MALRD1: variants seen among roughly 807,000 people sequenced by gnomAD.
The protein encoded by MALRD1 is MAM and LDL-receptor class A domain-containing protein 1.
A neutral mutation model predicts 242.1 loss-of-function variants in MALRD1; 247 were observed. The ratio of observed to expected loss-of-function variants is 1.02; its 90% CI spans 0.92 to 1.13. MALRD1 has a LOEUF of 1.13. MALRD1 is among the 50% of genes most tolerant of loss of function. MALRD1 has a pLI of 0.00. For missense variants in MALRD1, 2,989 were observed against 2,533.1 expected (o/e 1.18, Z -3.86); for synonymous variants, 995 against 866.6 (o/e 1.15, Z -2.60).
At chr10:19,491,475 A>G in intron 29 of MALRD1, 42 bp from the exon 30 acceptor site, 5 of 1,541,016 alleles carry the variant, frequency 3.2e-6, no homozygotes, top group Non-Finnish European at 4.4e-6. Flanking sequence ...TCTAATGAAA[A>G]TATTGATGGA....
At chr10:19,361,848 C>A (rs1311816759) in intron 26 of MALRD1, among the ~76,000 whole-genome samples, 1 of 152,000 alleles carries the variant, frequency 6.6e-6, no homozygotes, top group Non-Finnish European at 1.5e-5. Context: ...CCTGACTAAC[C>A]CCAGTATTTC....
Position 19,243,955 on chromosome 10 carries a change from G to A in MALRD1, c.2992-13729G>A, listed in dbSNP as rs11009097. On this transcript the variant is annotated intron_variant, in intron 18 of 39. Coordinates refer to ENST00000454679, the MANE Select transcript of MALRD1 (RefSeq NM_001142308.3). ...AAGTATGAAAGTAAGGATTTGAGAA[G>A]GGAAATTTTATTTTTAACTCTAAGA... Among the ~76,000 whole-genome samples, 174 of 151,974 alleles carry A rather than the reference G, an allele frequency of 1.1e-3. 1 individual carries two copies. Among genetic ancestry groups the A allele is most frequent in the African/African-American group, 4.0e-3 (166 of 41,446 alleles).
intron 20 of MALRD1, among the ~76,000 whole-genome samples, chr10:19,282,420 CT>C (rs920472416): frequency 6.6e-6 from 1 of 152,082 alleles, no homozygotes; most frequent in Non-Finnish European, 1.5e-5. Flanking sequence ...ATGAATATTT[CT>C]TTTTTATTCA....
intron 29 of MALRD1, among the ~76,000 whole-genome samples, chr10:19,485,330 A>C: frequency 6.6e-6 from 1 of 152,312 alleles, no homozygotes; most frequent in East Asian, 1.9e-4. Flanking sequence ...TAAACTTATG[A>C]AAATTAAAAA....
intron 1 of MALRD1, among the ~76,000 whole-genome samples, chr10:19,054,397 C>CT (rs1256371895): frequency 6.6e-6 from 1 of 152,042 alleles, no homozygotes; most frequent in African/African-American, 2.4e-5. Flanking sequence ...CATTGCCTCA[C>CT]TTATCAATTT....
intron 19 of MALRD1, among the ~76,000 whole-genome samples, chr10:19,266,073 G>A (rs1839962223): frequency 6.6e-6 from 1 of 150,768 alleles, no homozygotes; most frequent in African/African-American, 2.4e-5. Context: ...TGTGTTTTTT[G>A]TTCTTTCAGT....
At chr10:19,246,115 G>C (rs1459379066) in intron 18 of MALRD1, among the ~76,000 whole-genome samples, 1 of 152,076 alleles carries the variant, frequency 6.6e-6, no homozygotes, top group East Asian at 1.9e-4. Flanking sequence ...CTAGTTGGTA[G>C]ACAACTGACT....
At chr10:19,317,497 GTTCACAAC>G (rs1422130751) in intron 21 of MALRD1, among the ~76,000 whole-genome samples, 8 of 152,022 alleles carry the variant, frequency 5.3e-5, no homozygotes, top group African/African-American at 1.4e-4. Context: ...TCAAAGTATT[GTTCACAAC>G]AGCTTTTTTG....
chr10:19,270,633 A>G (rs1006267283), intron 19 of MALRD1, among the ~76,000 whole-genome samples: 5 of 152,202 alleles, frequency 3.3e-5, no homozygotes, highest in African/African-American at 1.2e-4. Context: ...GAGGAGAGCC[A>G]GAAGTGACTG....
At chr10:19,450,232 C>G in intron 28 of MALRD1, 75 bp from the exon 29 acceptor site, 2 of 1,235,518 alleles carry the variant, frequency 1.6e-6, no homozygotes, top group South Asian at 1.6e-5. Context: ...AGATAAATAA[C>G]TGGGTTTTGC....
intron 32 of MALRD1, among the ~76,000 whole-genome samples, chr10:19,562,435 C>G (rs997533298): frequency 2.6e-5 from 4 of 152,114 alleles, no homozygotes; most frequent in Non-Finnish European, 5.9e-5. Flanking sequence ...AAAAGAGTTC[C>G]TCCCCTCAAC....
At chr10:19,232,073 TA>T (rs1435228054) in intron 18 of MALRD1, among the ~76,000 whole-genome samples, 1 of 152,008 alleles carries the variant, frequency 6.6e-6, no homozygotes, top group Non-Finnish European at 1.5e-5. Flanking sequence ...GTGAGGGACA[TA>T]GGGGGCACTT....
At chr10:19,527,263 G>A (rs375246316) in intron 31 of MALRD1, among the ~76,000 whole-genome samples, 1 of 152,152 alleles carries the variant, frequency 6.6e-6, no homozygotes, top group African/African-American at 2.4e-5. Context: ...AAAGGATGGA[G>A]CATTTGGTTA....
chr10:19,450,631 T>G, intron 29 of MALRD1, 141 bp downstream of exon 29: 1 of 798,646 alleles, frequency 1.3e-6, no homozygotes, highest in African/African-American at 1.7e-5. Context: ...ATTTTATAAT[T>G]GTGAACTTAA....
Position 19,048,875 on chromosome 10 carries a change from G to A in MALRD1, c.-64G>A. On this transcript the variant is annotated 5_prime_UTR_variant, in exon 1 of 40. Coordinates refer to ENST00000454679, the MANE Select transcript of MALRD1 (RefSeq NM_001142308.3). ...GGAAAGGAAGAATAGAGAAATAAAA[G>A]AATGTTTCCAATGATGGACTTACTT... 1.7e-6 allele frequency: 2 copies of A among 1,153,846 alleles called. No individual in the cohort carries two copies. Among genetic ancestry groups the A allele is most frequent in the African/African-American group, 1.6e-5 (1 of 62,958 alleles). 71.5% of individuals were successfully genotyped at this position (1,153,846 alleles called of 1,614,324 possible).
At chr10:19,688,074 G>T (rs1442421330) in intron 36 of MALRD1, among the ~76,000 whole-genome samples, 5 of 151,900 alleles carry the variant, frequency 3.3e-5, no homozygotes, top group African/African-American at 1.2e-4. Context: ...GGTTCAAGCA[G>T]TTCTCCTGCC....
chr10:19,701,877 C>T (rs1008434568), intron 38 of MALRD1, among the ~76,000 whole-genome samples: 1 of 151,352 alleles, frequency 6.6e-6, no homozygotes, highest in Non-Finnish European at 1.5e-5. Flanking sequence ...TTTCTCTTCT[C>T]ACCCCTTAGA....
At chr10:19,373,909 A>G (rs1419546452) in intron 26 of MALRD1, among the ~76,000 whole-genome samples, 1 of 152,204 alleles carries the variant, frequency 6.6e-6, no homozygotes, top group Non-Finnish European at 1.5e-5. Flanking sequence ...ATTCAAAACA[A>G]TTTGTGACTG....
intron 34 of MALRD1, among the ~76,000 whole-genome samples, chr10:19,603,498 G>A (rs1211607944): frequency 4.6e-5 from 7 of 152,080 alleles, no homozygotes; most frequent in African/African-American, 1.7e-4. Context: ...AAGATCAGAT[G>A]GTTGTAGATG....
Sources: gnomAD v4.1 joint callset for allele counts (sites outside exome capture counted in the v4.1 genomes callset) on GRCh38, gnomAD v4.1.1 for gene constraint, MANE v1.5 for transcripts, NCBI Gene and HGNC (gene_info 2026-07-23, HGNC 2026-07-21) for gene names.